Variants in ZFHX3 observed in about 807,000 individuals in gnomAD.
ZFHX3 encodes zinc finger homeobox protein 3.
A neutral mutation model predicts 279.1 loss-of-function variants in ZFHX3; 42 were observed. The ratio of observed to expected loss-of-function variants is 0.15; its 90% CI spans 0.12 to 0.19. The LOEUF is 0.19. Among genes scored for constraint, ZFHX3 ranks in the 10% least tolerant of loss-of-function variants. ZFHX3 has a pLI of 1.00. For missense variants in ZFHX3, 4,981 were observed against 4,754.0 expected (o/e 1.05, Z -1.40); for synonymous variants, 2,293 against 1,957.8 (o/e 1.17, Z -4.52).
At chr16:73,436,712 G>A (rs62044966) in intron 3 of ZFHX3, among the ~76,000 whole-genome samples, 14,061 of 151,392 alleles carry the variant, frequency 0.093, 912 homozygotes, top group Non-Finnish European at 0.14. Flanking sequence ...TGCTTTGGCT[G>A]TGCTGTTCTT....
chr16:73,843,556 T>C (rs901727463), intron 1 of ZFHX3, among the ~76,000 whole-genome samples: 1 of 152,200 alleles, frequency 6.6e-6, no homozygotes, highest in Non-Finnish European at 1.5e-5. Context: ...TTAACACATA[T>C]TCCATCAAAT....
At chr16:73,180,055 C>A (rs1597206419) in intron 5 of ZFHX3, among the ~76,000 whole-genome samples, 1 of 152,212 alleles carries the variant, frequency 6.6e-6, no homozygotes, top group Non-Finnish European at 1.5e-5. Context: ...GAGATATTTA[C>A]TGATTAAAAT....
chr16:73,873,268 TGGTGGTG>T (rs1325282900), intron 1 of ZFHX3, among the ~76,000 whole-genome samples: 264 of 17,692 alleles, frequency 0.015, 3 homozygotes, highest in African/African-American at 0.059. Context: ...TGGATGGTGG[TGGTGGTG>T]GGTGGTGGGT....
At chr16:73,444,220 G>A (rs2018143158) in intron 3 of ZFHX3, among the ~76,000 whole-genome samples, 1 of 152,196 alleles carries the variant, frequency 6.6e-6, no homozygotes, top group South Asian at 2.1e-4. Flanking sequence ...CCCATGAAGT[G>A]AACAAGCTGC....
chr16:73,053,488 G>A (rs1365325432), intron 1 of ZFHX3, among the ~76,000 whole-genome samples: 1 of 152,102 alleles, frequency 6.6e-6, no homozygotes, highest in African/African-American at 2.4e-5. Context: ...GTGGGTGGGG[G>A]CATGGAGAAG....
chr16:73,858,372 TAC>T (rs1025848838), intron 1 of ZFHX3, among the ~76,000 whole-genome samples: 11 of 152,222 alleles, frequency 7.2e-5, no homozygotes, highest in African/African-American at 2.7e-4. Flanking sequence ...CTGATCTTGA[TAC>T]AGTCTTAGAT....
chr16:73,151,644 C>T (rs73595216), intron 5 of ZFHX3, among the ~76,000 whole-genome samples: 2,435 of 151,976 alleles, frequency 0.016, 57 homozygotes, highest in African/African-American at 0.055. Flanking sequence ...TGCAGGTGCC[C>T]GAGAAATAAA....
intron 1 of ZFHX3, among the ~76,000 whole-genome samples, chr16:73,720,239 C>A (rs983539933): frequency 6.6e-6 from 1 of 152,190 alleles, no homozygotes; most frequent in Admixed American, 6.5e-5. Context: ...AAGGAACACC[C>A]TTCCTGAGTG....
At chr16:72,976,227 C>A (rs1327775387) in intron 1 of ZFHX3, among the ~76,000 whole-genome samples, 1 of 152,192 alleles carries the variant, frequency 6.6e-6, no homozygotes, top group Non-Finnish European at 1.5e-5. Flanking sequence ...AAACTTCCAG[C>A]CAGCAGTTCT....
At chr16:73,213,293 A>G (rs1414117162) in intron 5 of ZFHX3, among the ~76,000 whole-genome samples, 1 of 152,164 alleles carries the variant, frequency 6.6e-6, no homozygotes, top group East Asian at 1.9e-4. Context: ...AAACGGGGTC[A>G]TGGGCTTTGT....
chr16:73,678,195 T>C (rs931987900), intron 2 of ZFHX3, among the ~76,000 whole-genome samples: 5 of 152,144 alleles, frequency 3.3e-5, no homozygotes, highest in Non-Finnish European at 7.4e-5. Context: ...CATTTTTCGA[T>C]AACAGGAATG....
intron 3 of ZFHX3, among the ~76,000 whole-genome samples, chr16:73,439,827 G>C (rs1318102636): frequency 1.3e-5 from 2 of 148,726 alleles, no homozygotes; most frequent in African/African-American, 5.0e-5. Context: ...GACACATGTG[G>C]CATATTTGCC....
rs1964207306 is a variant in ZFHX3 at position 73,019,175 on chromosome 16, GC to G, written c.-50+28576del. Among the ~76,000 whole-genome samples the G allele has an allele frequency of 4.6e-5, 7 of 152,310 alleles. No individual in the cohort carries two copies. The South Asian group carries it at 1.4e-3, about 32-fold the overall frequency. On this transcript the variant is annotated intron_variant, in intron 1 of 9. Transcript: ENST00000268489. ...ATCACTACGAGGCAAGGACCGAGTGGCCAGTTCGTTTCAGAAAGTGGCCTGA... is the reference window on the plus strand; with the variant it reads ...ATCACTACGAGGCAAGGACCGAGTGGCAGTTCGTTTCAGAAAGTGGCCTGA...
rs1055359258 is a variant in ZFHX3 at position 73,220,074 on chromosome 16, G to A, written c.-1104+36973C>T. Reference sequence around the variant, plus strand: ...GTACTCCAGCCTGGGCAACAAGAGCGAAACTCCCTCTCAAAAATAAAAAAA... The same window carrying A: ...GTACTCCAGCCTGGGCAACAAGAGCAAAACTCCCTCTCAAAAATAAAAAAA... On this transcript the variant is annotated intron_variant, in intron 5 of 17. Coordinates refer to the ZFHX3 transcript ENST00000641206. Among the ~76,000 whole-genome samples, 3 of 151,486 alleles carry A rather than the reference G, an allele frequency of 2.0e-5. No individual in the cohort carries two copies. The South Asian group carries it at 6.3e-4, about 32-fold the overall frequency.
chr16:73,291,660 T>C (rs2014774315), intron 4 of ZFHX3, among the ~76,000 whole-genome samples: 1 of 152,228 alleles, frequency 6.6e-6, no homozygotes. Flanking sequence ...TAGCACCTGG[T>C]AAGCAGGTGT....
rs939288338 is a variant in ZFHX3, at chr16:73,236,037, G to A, written c.-1104+21010C>T. ...AAACATATTTGCAAAGACAGTTTTA[G>A]CCTACAGACACTACTCTGTAGTCTT... On this transcript the variant is annotated intron_variant, in intron 5 of 17. Coordinates refer to the ZFHX3 transcript ENST00000641206. 3.3e-5 allele frequency among the ~76,000 whole-genome samples: 5 copies of A among 152,296 alleles called. No homozygotes were observed. In the East Asian group the frequency reaches 7.7e-4, roughly 24 times the overall value.
chr16:73,663,837 T>C (rs2142177821), intron 2 of ZFHX3, among the ~76,000 whole-genome samples: 1 of 152,310 alleles, frequency 6.6e-6, no homozygotes, highest in East Asian at 1.9e-4. Flanking sequence ...CTTTAGGATA[T>C]GGCAGGTATT....
chr16:73,553,437 C>T (rs7203906), intron 2 of ZFHX3, among the ~76,000 whole-genome samples: 24,582 of 152,076 alleles, frequency 0.16, 3,004 homozygotes, highest in African/African-American at 0.34. Context: ...CCCACGACAC[C>T]AATGTGTGAC....
At chr16:73,347,645 C>T (rs768049286) in intron 3 of ZFHX3, among the ~76,000 whole-genome samples, 12 of 152,176 alleles carry the variant, frequency 7.9e-5, no homozygotes, top group South Asian at 4.2e-4. Context: ...AACACATTTG[C>T]GCTGAGAACT....
Sources: gnomAD v4.1 joint callset for allele counts (sites outside exome capture counted in the v4.1 genomes callset) on GRCh38, gnomAD v4.1.1 for gene constraint, MANE v1.5 for transcripts, NCBI Gene and HGNC (gene_info 2026-07-23, HGNC 2026-07-21) for gene names.